Variants in INPP5A observed in about 807,000 individuals in gnomAD.
The protein encoded by INPP5A is 43 kDa inositol polyphosphate 5-phophatase.
INPP5A carries 14 observed loss-of-function variants against 65.2 expected under a neutral mutation model. The observed-to-expected ratio is 0.21, with a 90% CI of 0.14 to 0.34. The LOEUF (loss-of-function observed/expected upper bound fraction) is 0.34, where lower values mean the gene tolerates loss of function less well. INPP5A is among the 10% of genes least tolerant of loss of function. INPP5A has a pLI of 1.00. For missense variants in INPP5A, 431 were observed against 545.6 expected, an observed-to-expected ratio of 0.79 and a Z score of 2.09; for synonymous variants, 207 against 208.3, an observed-to-expected ratio of 0.99 and a Z score of 0.05.
At chr10:132,721,374 C>G (rs1845875716) in intron 8 of INPP5A, among the ~76,000 whole-genome samples, 1 of 144,818 alleles carries the variant, frequency 6.9e-6, no homozygotes. Flanking sequence ...CCTTAGACAG[C>G]TGTCTTCAGG....
chr10:132,695,073 G>T (rs1215740624), intron 5 of INPP5A, among the ~76,000 whole-genome samples: 3 of 151,976 alleles, frequency 2.0e-5, no homozygotes, highest in Admixed American at 2.0e-4. Context: ...ACCAGATAAA[G>T]ACATTACAAA....
chr10:132,588,651 G>A (rs1000258164), intron 1 of INPP5A, among the ~76,000 whole-genome samples: 5 of 152,212 alleles, frequency 3.3e-5, no homozygotes, highest in African/African-American at 4.8e-5. Context: ...CCTGTGCTGC[G>A]TCTACAGGGT....
intron 4 of INPP5A, among the ~76,000 whole-genome samples, chr10:132,652,084 C>G (rs976014523): frequency 6.6e-6 from 1 of 152,190 alleles, no homozygotes; most frequent in African/African-American, 2.4e-5. Flanking sequence ...CAGCTTCTTT[C>G]TCTCAGCTCT....
Position 132,697,372 on chromosome 10 carries a change from C to T in INPP5A, c.371-444C>T, listed in dbSNP as rs1323414483. On this transcript the variant is annotated intron_variant, in intron 5 of 15. Transcript: ENST00000368594. The surrounding 1 kb of genome is among the most constrained non-coding windows in gnomAD (Gnocchi z 5.6). ...CCCATCTGGGAGGCACCCTGCCGCGCGCTGCCTCTCTCACCATCACACATA... is the reference window on the plus strand; with the variant it reads ...CCCATCTGGGAGGCACCCTGCCGCGTGCTGCCTCTCTCACCATCACACATA... 3.3e-5 allele frequency among the ~76,000 whole-genome samples: 5 copies of T among 152,386 alleles called. No individual in the cohort carries two copies. The highest frequency in any genetic ancestry group is 1.9e-4 in the East Asian group (1 of 5,190).
chr10:132,640,885 T>C (rs112880095), intron 2 of INPP5A, among the ~76,000 whole-genome samples: 3,539 of 152,330 alleles, frequency 0.023, 50 homozygotes, highest in South Asian at 0.039. Flanking sequence ...GTCCTGTGGC[T>C]GTGCTCAGCG....
Position 132,651,964 on chromosome 10 carries a change from C to T in INPP5A, c.306+1459C>T, listed in dbSNP as rs1030618098. Among the ~76,000 whole-genome samples the T allele has an allele frequency of 6.6e-6, 1 of 152,310 alleles. No individual in the cohort carries two copies. Among genetic ancestry groups the T allele is most frequent in the African/African-American group, 2.4e-5 (1 of 41,570 alleles). On this transcript the variant is annotated intron_variant, in intron 4 of 15. Coordinates refer to ENST00000368594, the MANE Select transcript of INPP5A (RefSeq NM_005539.5). The surrounding 1 kb of genome is among the most constrained non-coding windows in gnomAD (Gnocchi z 5.0). Reference sequence around the variant, plus strand: ...GGGGACCACGGGGCCCCCACTCACACCAGAGCCAAGGCCCTCACCCCTGTG... The same window carrying T: ...GGGGACCACGGGGCCCCCACTCACATCAGAGCCAAGGCCCTCACCCCTGTG...
intron 1 of INPP5A, among the ~76,000 whole-genome samples, chr10:132,598,460 G>A (rs2071735752): frequency 6.6e-6 from 1 of 152,186 alleles, no homozygotes; most frequent in African/African-American, 2.4e-5. Context: ...TGAATCTGAT[G>A]ACTCCAGATA....
In INPP5A at chr10:132,690,433, C is replaced by A; in HGVS notation, c.348C>A (p.Asn116Lys). 1.2e-6 allele frequency: 2 copies of A among 1,612,852 alleles called. No individual in the cohort carries two copies. The highest frequency in any genetic ancestry group is 1.7e-6 in the Non-Finnish European group (2 of 1,179,124). ...ATTTTCTTCATGAGTCCTTAAAAAA[C>A]ATCTACCAGTTTGACTTTAAAGGTA... ...SFYFLHESLKNIYQFDFKAKK... is the reference protein window; with the variant it reads ...SFYFLHESLKKIYQFDFKAKK... The change falls in exon 5 of 16, where the codon AAC becomes AAA. Residue 116 changes from asparagine to lysine, a missense_variant. Transcript: ENST00000368594.
At chr10:132,556,998 T>C (rs1330786994) in intron 1 of INPP5A, among the ~76,000 whole-genome samples, 1 of 152,228 alleles carries the variant, frequency 6.6e-6, no homozygotes, top group Non-Finnish European at 1.5e-5. Context: ...TGTGGCACTC[T>C]TGGCTGAAAG....
chr10:132,628,469 G>T lies in INPP5A; in HGVS notation c.118-17399G>T, dbSNP rs984136831. Among the ~76,000 whole-genome samples the T allele has an allele frequency of 3.4e-5, 5 of 148,368 alleles. 1 individual carries two copies. The highest frequency in any genetic ancestry group is 3.9e-4 in the East Asian group (2 of 5,072). ...TCCAGATGTGCTCTGGTGGCGGGGG[G>T]GGGGGGGGGCGTGGCGTGGGGGACA... On this transcript the variant is annotated intron_variant, in intron 2 of 15. Coordinates refer to ENST00000368594, the MANE Select transcript of INPP5A (RefSeq NM_005539.5).
intron 9 of INPP5A, among the ~76,000 whole-genome samples, chr10:132,734,788 C>T (rs1020269847): frequency 6.6e-6 from 1 of 152,256 alleles, no homozygotes; most frequent in Non-Finnish European, 1.5e-5. Flanking sequence ...GTGCACATCT[C>T]TCTGCCTTCC....
At chr10:132,693,116 C>T (rs1845294965) in intron 5 of INPP5A, among the ~76,000 whole-genome samples, 1 of 152,128 alleles carries the variant, frequency 6.6e-6, no homozygotes, top group Non-Finnish European at 1.5e-5. Flanking sequence ...ATTAGTTATA[C>T]ATTATATTGC....
chr10:132,670,568 G>C (rs1000175493), intron 4 of INPP5A, among the ~76,000 whole-genome samples: 11 of 150,782 alleles, frequency 7.3e-5, no homozygotes, highest in African/African-American at 2.7e-4. Flanking sequence ...CTCCTTGCTG[G>C]GGGGAGAGTG....
chr10:132,539,706 T>A (rs1185744803), intron 1 of INPP5A, among the ~76,000 whole-genome samples: 1 of 95,778 alleles, frequency 1.0e-5, no homozygotes, highest in South Asian at 3.5e-4. Context: ...CCTCCCTCCC[T>A]AGGTGAACAG....
intron 4 of INPP5A, among the ~76,000 whole-genome samples, chr10:132,666,549 C>T (rs983527309): frequency 6.6e-6 from 1 of 152,228 alleles, no homozygotes; most frequent in African/African-American, 2.4e-5. Flanking sequence ...GGCCCCGTGG[C>T]GCACCATCCC....
At position 132,671,704 on chromosome 10, in the gene INPP5A, C is replaced by G. The variant is rs145439504; in HGVS notation, c.307-18688C>G. On this transcript the variant is annotated intron_variant, in intron 4 of 15. Coordinates refer to ENST00000368594, the MANE Select transcript of INPP5A (RefSeq NM_005539.5). ...GCACATGAGCTTCCTGATACTGTTT[C>G]ATGTGCCTTACATGTGCCACCCATG... Among the ~76,000 whole-genome samples the G allele has an allele frequency of 1.8e-3, 272 of 152,330 alleles. 1 individual carries two copies. The highest frequency in any genetic ancestry group is 0.013 in the East Asian group (70 of 5,188).
chr10:132,647,930 G>A (rs935201506), intron 3 of INPP5A, among the ~76,000 whole-genome samples: 2 of 152,208 alleles, frequency 1.3e-5, no homozygotes, highest in African/African-American at 4.8e-5. Flanking sequence ...CTTTTAAAAT[G>A]TGCAGGAAGT....
chr10:132,543,427 T>G (rs1447897239), intron 1 of INPP5A, among the ~76,000 whole-genome samples: 15 of 152,140 alleles, frequency 9.9e-5, no homozygotes, highest in Admixed American at 9.8e-4. Flanking sequence ...TTTTTTCTTT[T>G]AAATTACAGA....
chr10:132,779,868 G>A (rs1847128954), intron 13 of INPP5A, among the ~76,000 whole-genome samples: 2 of 152,212 alleles, frequency 1.3e-5, no homozygotes, highest in South Asian at 2.1e-4. Context: ...GGGGAGCCTC[G>A]GTGACAAGTG....
Sources: gnomAD v4.1 joint callset for allele counts (sites outside exome capture counted in the v4.1 genomes callset) on GRCh38, gnomAD v4.1.1 for gene constraint, Gnocchi (gnomAD v3.1) non-coding constraint, MANE v1.5 for transcripts, NCBI Gene and HGNC (gene_info 2026-07-23, HGNC 2026-07-21) for gene names.